EXOC6B: variants seen among roughly 807,000 people sequenced by gnomAD.
EXOC6B encodes the protein SEC15 homolog B.
EXOC6B carries 54 observed loss-of-function variants against 113.5 expected under a neutral mutation model. The observed-to-expected ratio is 0.48, with a 90% confidence interval of 0.38 to 0.60. The LOEUF (loss-of-function observed/expected upper bound fraction) is 0.60, where lower values mean the gene tolerates loss of function less well. Ranked by LOEUF, EXOC6B falls within the 20% of genes least tolerant of loss-of-function variation. The pLI, the probability that EXOC6B is intolerant of heterozygous loss-of-function variation, is 0.00. For synonymous variants in EXOC6B, 357 were observed against 339.0 expected (o/e 1.05, Z -0.58); for missense variants, 797 against 977.5 (o/e 0.82, Z 2.46).
intron 13 of EXOC6B, 38 bp downstream of exon 13, chr2:72,498,416 A>G (rs1190688521): frequency 2.8e-6 from 4 of 1,428,020 alleles, no homozygotes; most frequent in Non-Finnish European, 3.9e-6. Flanking sequence ...ACTAATGTAC[A>G]TGAACACACA....
chr2:72,660,173 C>A (rs1674902586), intron 6 of EXOC6B, among the ~76,000 whole-genome samples: 1 of 149,516 alleles, frequency 6.7e-6, no homozygotes, highest in Non-Finnish European at 1.5e-5. Flanking sequence ...GTTTTAAAAC[C>A]ATGATTTACC....
intron 2 of EXOC6B, among the ~76,000 whole-genome samples, chr2:72,738,012 A>C (rs149584918): frequency 4.1e-4 from 62 of 152,256 alleles, no homozygotes; most frequent in African/African-American, 1.2e-3. Context: ...ATAATACATA[A>C]AGAAAATGTA....
At chr2:72,658,148 C>A (rs1324376601) in intron 6 of EXOC6B, among the ~76,000 whole-genome samples, 4 of 150,768 alleles carry the variant, frequency 2.7e-5, no homozygotes, top group South Asian at 4.2e-4. Flanking sequence ...TTCAAAGAAC[C>A]AATTTAGATA....
chr2:72,600,009 C>A (rs1487510486), intron 6 of EXOC6B, among the ~76,000 whole-genome samples: 1 of 152,060 alleles, frequency 6.6e-6, no homozygotes, highest in African/African-American at 2.4e-5. Context: ...ATAGAAAATT[C>A]TAGTAAGTTA....
chr2:72,390,749 C>A (rs983592117), intron 18 of EXOC6B, among the ~76,000 whole-genome samples: 7 of 152,120 alleles, frequency 4.6e-5, no homozygotes, highest in African/African-American at 7.2e-5. Context: ...TTCAGTGGGG[C>A]CTTCACCTTC....
At position 72,369,514 on chromosome 2, in the gene EXOC6B, C is replaced by T. The variant is rs1274486388; in HGVS notation, c.2122+10215G>A. 1.3e-4 allele frequency among the ~76,000 whole-genome samples: 20 copies of T among 152,148 alleles called. 1 individual carries two copies. Among genetic ancestry groups the T allele is most frequent in the African/African-American group, 4.6e-4 (19 of 41,524 alleles). On this transcript the variant is annotated intron_variant, in intron 19 of 21. Transcript: ENST00000272427. ...TTCACAGAATTGGAAAAAACTACTTCAAAGTTCATATGGAAGCAAAAAAGA... is the reference window on the plus strand; with the variant it reads ...TTCACAGAATTGGAAAAAACTACTTTAAAGTTCATATGGAAGCAAAAAAGA...
chr2:72,753,097 G>A (rs891433499), intron 1 of EXOC6B, among the ~76,000 whole-genome samples: 5 of 151,734 alleles, frequency 3.3e-5, no homozygotes, highest in African/African-American at 9.7e-5. Flanking sequence ...CAAAGACATC[G>A]CAAACCGTGC....
intron 19 of EXOC6B, among the ~76,000 whole-genome samples, chr2:72,360,580 T>C (rs531487526): frequency 7.9e-5 from 12 of 152,122 alleles, no homozygotes; most frequent in Non-Finnish European, 1.3e-4. Flanking sequence ...ATGAGCCATG[T>C]GATCGCTTTT....
chr2:72,459,824 A>C (rs1697506623), intron 18 of EXOC6B, among the ~76,000 whole-genome samples: 1 of 152,156 alleles, frequency 6.6e-6, no homozygotes, highest in Non-Finnish European at 1.5e-5. Flanking sequence ...CAAGCTACCA[A>C]TGACTTTCTT....
Position 72,508,875 on chromosome 2 carries a change from C to T in EXOC6B, c.1167+4257G>A, listed in dbSNP as rs561858600. ...CACAATGTTGTATTGATTCAAGGAG[C>T]GAGAATTCAAATCATATGACCTAGA... is the stretch of plus-strand genomic sequence containing the variant. On this transcript the variant is annotated intron_variant, in intron 11 of 21. Coordinates refer to ENST00000272427, the MANE Select transcript of EXOC6B (RefSeq NM_015189.3). Among the ~76,000 whole-genome samples, 5 of 152,048 alleles carry T rather than the reference C, an allele frequency of 3.3e-5. No individual in the cohort carries two copies. The East Asian group carries it at 5.8e-4, about 18-fold the overall frequency.
At chr2:72,721,332 GA>G (rs1246443737) in intron 5 of EXOC6B, among the ~76,000 whole-genome samples, 1 of 15,556 alleles carries the variant, frequency 6.4e-5, no homozygotes, top group Admixed American at 7.3e-4. Context: ...CCATCTCAAA[GA>G]AAAAAGGTTA....
chr2:72,764,364 CTTTTTTTTTTT>C (rs397869115), intron 1 of EXOC6B, among the ~76,000 whole-genome samples: 4 of 66,770 alleles, frequency 6.0e-5, no homozygotes, highest in Non-Finnish European at 8.2e-5. Context: ...TATTTTCTCT[CTTTTTTTTTTT>C]TTTTTTTTTT....
At chr2:72,392,797 GTCC>G (rs2105118772) in intron 18 of EXOC6B, among the ~76,000 whole-genome samples, 1 of 152,186 alleles carries the variant, frequency 6.6e-6, no homozygotes, top group South Asian at 2.1e-4. Flanking sequence ...ATTACAATGG[GTCC>G]ACATTAGTTT....
At chr2:72,482,284 A>C (rs1277349944) in intron 16 of EXOC6B, among the ~76,000 whole-genome samples, 8 of 152,238 alleles carry the variant, frequency 5.3e-5, no homozygotes, top group Admixed American at 3.3e-4. Context: ...TTAACTATTA[A>C]ACCATAAAAA....
chr2:72,578,990 A>G (rs538606470), intron 6 of EXOC6B, among the ~76,000 whole-genome samples: 3 of 152,292 alleles, frequency 2.0e-5, no homozygotes, highest in Admixed American at 2.0e-4. Context: ...TTTACAATTC[A>G]GACAAACCCT....
intron 20 of EXOC6B, among the ~76,000 whole-genome samples, chr2:72,292,404 G>A (rs1042309961): frequency 1.3e-5 from 2 of 152,006 alleles, no homozygotes; most frequent in Non-Finnish European, 2.9e-5. Context: ...ATCCTTCAGG[G>A]AGGTTCCCCT....
chr2:72,708,673 A>G (rs577953730), intron 6 of EXOC6B, among the ~76,000 whole-genome samples: 1 of 152,166 alleles, frequency 6.6e-6, no homozygotes, highest in Non-Finnish European at 1.5e-5. Context: ...ATATGAGTCT[A>G]TACATGTTTT....
chr2:72,220,073 A>C (rs903189912), intron 20 of EXOC6B, among the ~76,000 whole-genome samples: 3 of 152,188 alleles, frequency 2.0e-5, no homozygotes, highest in African/African-American at 7.2e-5. Context: ...AGTAGCCAAT[A>C]AACAATTGTA....
chr2:72,619,205 G>A (rs562822113), intron 6 of EXOC6B, among the ~76,000 whole-genome samples: 1 of 152,144 alleles, frequency 6.6e-6, no homozygotes, highest in Admixed American at 6.6e-5. Flanking sequence ...GAGAGAGAGA[G>A]AGAGATTAAG....
Sources: allele counts gnomAD v4.1 joint callset (sites outside exome capture counted in the v4.1 genomes callset), GRCh38; gene constraint gnomAD v4.1.1; transcripts MANE v1.5; gene names NCBI Gene and HGNC (gene_info 2026-07-23, HGNC 2026-07-21).